NBEA: variants seen among roughly 807,000 people sequenced by gnomAD.
NBEA encodes neurobeachin.
Under a neutral mutation model 343.4 loss-of-function variants are expected in NBEA, and 44 were observed. That is an observed-to-expected ratio of 0.13 (90% CI 0.10 to 0.16). The LOEUF is 0.16. NBEA is among the 10% of genes least tolerant of loss of function. The probability of loss-of-function intolerance (pLI) is 1.00; values close to 1 mark genes in which losing one functional copy is unlikely to be tolerated. For synonymous variants in NBEA, 1,175 were observed against 1,238.7 expected (o/e 0.95, Z 1.08); for missense variants, 2,555 against 3,631.3 (o/e 0.70, Z 7.62).
chr13:35,090,093 A>AAATAAAT (rs1232200674), intron 10 of NBEA, among the ~76,000 whole-genome samples: 5 of 43,936 alleles, frequency 1.1e-4, no homozygotes, highest in African/African-American at 2.5e-4. Context: ...AATAAATAAA[A>AAATAAAT]ATCTGGCTGT....
chr13:35,276,443 G>T (rs942636928), intron 34 of NBEA, among the ~76,000 whole-genome samples: 4 of 152,062 alleles, frequency 2.6e-5, no homozygotes, highest in Admixed American at 6.6e-5. Context: ...TTATGTCATT[G>T]AATAACAGGT....
intron 41 of NBEA, chr13:35,474,907 G>T: frequency 1.0e-6 from 1 of 965,656 alleles, no homozygotes; most frequent in Non-Finnish European, 1.5e-6. Flanking sequence ...GTGGGGGTGG[G>T]TGAGATGATG....
In NBEA at chr13:35,670,939, C is replaced by T; in HGVS notation, c.8852C>T (p.Ala2951Val). Residue 2951 changes from alanine (A) to valine (V), a missense_variant, in exon 59 of 59, where the codon GCT becomes GTT. Transcript: ENST00000379939. Reference protein sequence around the residue: ...ITGMASGSIVAFNIDFNRWHY... With the variant: ...ITGMASGSIVVFNIDFNRWHY... ...GGCATGGCTTCTGGTAGCATTGTAG[C>T]TTTTAATATAGATTTTAATCGGTGG... 6.3e-7 allele frequency: 1 copy of T among 1,596,198 alleles called. No homozygotes were observed. The highest frequency in any genetic ancestry group is 8.5e-7 in the Non-Finnish European group (1 of 1,170,586).
intron 45 of NBEA, among the ~76,000 whole-genome samples, chr13:35,568,135 T>C (rs2080222999): frequency 6.6e-6 from 1 of 152,196 alleles, no homozygotes; most frequent in Non-Finnish European, 1.5e-5. Flanking sequence ...GAGTATTAAG[T>C]ATTATTGTTA....
rs571239685 is a variant in NBEA at position 35,079,028 on chromosome 13, A to G, written c.1571+8176A>G. On this transcript the variant is annotated intron_variant, in intron 10 of 58. Transcript: ENST00000379939. ...AGAGCGAGATTGTGTCTTTAAAAAC[A>G]AAAAACAAAAAACAAAACCTACTAG... Among the ~76,000 whole-genome samples, 13 of 152,188 alleles carry G rather than the reference A, an allele frequency of 8.5e-5. No homozygotes were observed. In the East Asian group the frequency reaches 2.5e-3, roughly 29 times the overall value.
intron 22 of NBEA, 121 bp from the exon 23 acceptor site, chr13:35,161,629 A>T: frequency 1.1e-6 from 1 of 892,860 alleles, no homozygotes; most frequent in Non-Finnish European, 1.7e-6. Context: ...GAAATATATT[A>T]AACTGCTAAA....
At chr13:35,623,312 A>T (rs1323271405) in intron 48 of NBEA, among the ~76,000 whole-genome samples, 2 of 152,190 alleles carry the variant, frequency 1.3e-5, no homozygotes, top group South Asian at 2.1e-4. Context: ...TGTTTATAGT[A>T]AAGAGTCTTA....
At chr13:35,573,058 G>A (rs2080520308) in intron 45 of NBEA, among the ~76,000 whole-genome samples, 1 of 152,132 alleles carries the variant, frequency 6.6e-6, no homozygotes, top group Admixed American at 6.6e-5. Flanking sequence ...TAACCCTGCT[G>A]CCAAATTTGA....
intron 41 of NBEA, among the ~76,000 whole-genome samples, chr13:35,490,586 G>A (rs901176625): frequency 3.3e-5 from 5 of 151,868 alleles, no homozygotes; most frequent in Non-Finnish European, 5.9e-5. Flanking sequence ...CTAAACACTC[G>A]AAAACATGTC....
intron 45 of NBEA, among the ~76,000 whole-genome samples, chr13:35,574,814 A>G (rs2080651637): frequency 6.6e-6 from 1 of 151,636 alleles, no homozygotes; most frequent in Non-Finnish European, 1.5e-5. Context: ...CAATGGTGCA[A>G]TCTTGGCTCC....
chr13:35,415,683 G>A (rs1383859817), intron 38 of NBEA, among the ~76,000 whole-genome samples: 1 of 152,010 alleles, frequency 6.6e-6, no homozygotes, highest in East Asian at 1.9e-4. Flanking sequence ...CTCCAGCTTT[G>A]TTCTTTTGGC....
chr13:35,541,144 G>T (rs2078802635), intron 41 of NBEA, among the ~76,000 whole-genome samples: 1 of 151,938 alleles, frequency 6.6e-6, no homozygotes, highest in Non-Finnish European at 1.5e-5. Context: ...TCACCTCTCT[G>T]CTTCTTACAA....
intron 16 of NBEA, among the ~76,000 whole-genome samples, chr13:35,119,309 G>A (rs1027615343): frequency 6.6e-6 from 1 of 152,144 alleles, no homozygotes; most frequent in African/African-American, 2.4e-5. Flanking sequence ...ATAACTCAGT[G>A]AATTTCCACA....
intron 40 of NBEA, among the ~76,000 whole-genome samples, chr13:35,467,270 A>G (rs969785605): frequency 3.9e-5 from 6 of 152,060 alleles, no homozygotes; most frequent in Non-Finnish European, 8.8e-5. Flanking sequence ...TCAGGAGTTC[A>G]AGACCAGCCT....
chr13:35,605,477 A>C (rs996483905), intron 47 of NBEA, among the ~76,000 whole-genome samples: 4 of 152,196 alleles, frequency 2.6e-5, no homozygotes, highest in African/African-American at 9.6e-5. Context: ...GTGAGATTTA[A>C]ATTTCAGATG....
chr13:35,022,632 G>T (rs1344350712), intron 1 of NBEA, among the ~76,000 whole-genome samples: 2 of 151,982 alleles, frequency 1.3e-5, no homozygotes, highest in Non-Finnish European at 2.9e-5. Context: ...AAGGTTAAAT[G>T]CTTGGTGGAG....
chr13:35,558,097 A>G (rs184838980), intron 44 of NBEA, among the ~76,000 whole-genome samples: 7 of 152,310 alleles, frequency 4.6e-5, no homozygotes, highest in African/African-American at 1.2e-4. Context: ...CATTAGTGCT[A>G]TAAGGGGAGT....
At chr13:35,293,092 T>C (rs890666114) in intron 35 of NBEA, among the ~76,000 whole-genome samples, 13 of 151,956 alleles carry the variant, frequency 8.6e-5, no homozygotes, top group African/African-American at 3.1e-4. Context: ...TCTGAGCTCC[T>C]GAATAAACTT....
At chr13:35,016,504 A>G (rs1339997570) in intron 1 of NBEA, among the ~76,000 whole-genome samples, 1 of 151,972 alleles carries the variant, frequency 6.6e-6, no homozygotes, top group East Asian at 1.9e-4. Context: ...ACTGTTATCT[A>G]TCAGGCACTG....
Sources: gnomAD v4.1 joint callset for allele counts (sites outside exome capture counted in the v4.1 genomes callset) on GRCh38, gnomAD v4.1.1 for gene constraint, MANE v1.5 for transcripts, NCBI Gene and HGNC (gene_info 2026-07-23, HGNC 2026-07-21) for gene names.